Variants in SMPD3 observed in about 807,000 individuals in gnomAD.
SMPD3 encodes sphingomyelin phosphodiesterase 3.
Under a neutral mutation model 55.7 loss-of-function variants are expected in SMPD3, and 21 were observed. That is an observed-to-expected ratio of 0.38 (90% CI 0.27 to 0.54). The LOEUF (loss-of-function observed/expected upper bound fraction) is 0.54, where lower values mean the gene tolerates loss of function less well. Among genes scored for constraint, SMPD3 ranks in the 20% least tolerant of loss-of-function variants. SMPD3 has a pLI of 0.80. For synonymous variants in SMPD3, 457 were observed against 404.3 expected (o/e 1.13, Z -1.56); for missense variants, 842 against 899.6 (o/e 0.94, Z 0.82).
chr16:68,394,759 G>A (rs1376526075), intron 1 of SMPD3, among the ~76,000 whole-genome samples: 1 of 152,160 alleles, frequency 6.6e-6, no homozygotes, highest in African/African-American at 2.4e-5. Context: ...TACAATATGA[G>A]ACTTTTTTTG....
chr16:68,405,545 C>CA (rs67518521), intron 1 of SMPD3, among the ~76,000 whole-genome samples: 3,307 of 72,782 alleles, frequency 0.045, 140 homozygotes, highest in African/African-American at 0.11. Flanking sequence ...GACCCTGTCT[C>CA]AAAAAAAAAA....
chr16:68,430,674 A>G (rs1203937977), intron 1 of SMPD3, among the ~76,000 whole-genome samples: 1 of 152,184 alleles, frequency 6.6e-6, no homozygotes, highest in African/African-American at 2.4e-5. Flanking sequence ...ATAAAAGCCA[A>G]AAAACATGGA....
At chr16:68,377,785 C>T (rs1309284375) in intron 2 of SMPD3, among the ~76,000 whole-genome samples, 3 of 152,258 alleles carry the variant, frequency 2.0e-5, no homozygotes, top group Admixed American at 2.0e-4. Flanking sequence ...CACACTGGCT[C>T]TGCTTGCACA....
chr16:68,362,372 C>G (rs955121084), intron 7 of SMPD3, among the ~76,000 whole-genome samples: 1 of 152,352 alleles, frequency 6.6e-6, no homozygotes, highest in Middle Eastern at 3.4e-3. Context: ...AGGGGATCCA[C>G]AGGGAGGGCA....
At chr16:68,384,063 C>T (rs1357368381) in intron 2 of SMPD3, among the ~76,000 whole-genome samples, 1 of 152,234 alleles carries the variant, frequency 6.6e-6, no homozygotes, top group Non-Finnish European at 1.5e-5. Context: ...TTCAGTAGTG[C>T]CTGCGGACTC....
At chr16:68,364,237 T>A (rs1229073166) in intron 5 of SMPD3, among the ~76,000 whole-genome samples, 1 of 152,194 alleles carries the variant, frequency 6.6e-6, no homozygotes, top group Non-Finnish European at 1.5e-5. Flanking sequence ...GCTTGTAGTC[T>A]TTCACCCTAA....
At chr16:68,375,118 C>G (rs1259169977) in intron 2 of SMPD3, among the ~76,000 whole-genome samples, 1 of 152,204 alleles carries the variant, frequency 6.6e-6, no homozygotes, top group Non-Finnish European at 1.5e-5. Context: ...CTCACCCCGG[C>G]ACTGCCCTGT....
At chr16:68,392,051 C>T (rs902393692) in intron 1 of SMPD3, among the ~76,000 whole-genome samples, 4 of 151,962 alleles carry the variant, frequency 2.6e-5, no homozygotes, top group African/African-American at 9.7e-5. Context: ...ACCATCATGT[C>T]CAGCTAATTG....
At chr16:68,388,257 G>A (rs1330659901) in intron 1 of SMPD3, among the ~76,000 whole-genome samples, 4 of 152,188 alleles carry the variant, frequency 2.6e-5, no homozygotes, top group Admixed American at 1.3e-4. Flanking sequence ...TACCTGGCAG[G>A]ATCCCTCCCC....
At chr16:68,397,773 CG>C (rs2090171732) in intron 1 of SMPD3, among the ~76,000 whole-genome samples, 1 of 152,078 alleles carries the variant, frequency 6.6e-6, no homozygotes, top group Non-Finnish European at 1.5e-5. Context: ...TTTGCGGGGG[CG>C]GGGGGTGGTC....
chr16:68,383,353 G>C (rs1258603568), intron 2 of SMPD3, among the ~76,000 whole-genome samples: 1 of 152,192 alleles, frequency 6.6e-6, no homozygotes, highest in East Asian at 1.9e-4. Flanking sequence ...AAGAGAAAAG[G>C]AAGACAGAGT....
rs986040992 is a variant in SMPD3, at chr16:68,398,023, G to A, written c.-268-11364C>T. On this transcript the variant is annotated intron_variant, in intron 1 of 8. Transcript: ENST00000219334. ...AGGGAGATGCAGAATCTGGTTCTGG[G>A]ATGTTGGGGCTTCGTCAGGGAGGGA... is the stretch of plus-strand genomic sequence containing the variant. Among the ~76,000 whole-genome samples the A allele has an allele frequency of 1.1e-4, 15 of 140,830 alleles. 1 individual carries two copies. The highest frequency in any genetic ancestry group is 3.8e-4 in the African/African-American group (15 of 39,168). The allele number at this position is 140,830 out of a possible 152,430, so 92.4% of individuals were successfully genotyped here.
At position 68,401,574 on chromosome 16, in the gene SMPD3, C is replaced by T. The variant is rs1191870340; in HGVS notation, c.-268-14915G>A. Among the ~76,000 whole-genome samples the T allele has an allele frequency of 5.1e-4, 77 of 152,072 alleles. 1 individual carries two copies. Among genetic ancestry groups the T allele is most frequent in the Non-Finnish European group, 2.9e-5 (2 of 67,980 alleles). On this transcript the variant is annotated intron_variant, in intron 1 of 8. Coordinates refer to ENST00000219334, the MANE Select transcript of SMPD3 (RefSeq NM_018667.4). ...AGGGTGGAGGTGGGACAGGGCATGT[C>T]CAAGAATCTCCCTGAATCCTGGCCT...
chr16:68,377,981 T>G (rs1349616018), intron 2 of SMPD3, among the ~76,000 whole-genome samples: 1 of 152,206 alleles, frequency 6.6e-6, no homozygotes, highest in Non-Finnish European at 1.5e-5. Flanking sequence ...GTTTGGGAGT[T>G]GCCCCACTTT....
chr16:68,362,528 G>A (rs2089336495), intron 7 of SMPD3, among the ~76,000 whole-genome samples: 1 of 152,230 alleles, frequency 6.6e-6, no homozygotes, highest in Admixed American at 6.5e-5. Context: ...CCCCTCCTGG[G>A]AGCCCCCATT....
rs764102085 is a variant in SMPD3 at position 68,380,325 on chromosome 16, C to T, written c.-207+6273G>A. Reference sequence around the variant, plus strand: ...GCTGAGCCCAAGACAGAGAGGAGGCCAGGGGCAAAGTCTTGCTTCAGGATG... The same window carrying T: ...GCTGAGCCCAAGACAGAGAGGAGGCTAGGGGCAAAGTCTTGCTTCAGGATG... On this transcript the variant is annotated intron_variant, in intron 2 of 8. Transcript: ENST00000219334. 9.2e-5 allele frequency among the ~76,000 whole-genome samples: 14 copies of T among 152,260 alleles called. 1 individual carries two copies. The highest frequency in any genetic ancestry group is 1.9e-4 in the Non-Finnish European group (13 of 68,044).
chr16:68,407,479 G>A (rs906080756), intron 1 of SMPD3, among the ~76,000 whole-genome samples: 4 of 152,128 alleles, frequency 2.6e-5, no homozygotes, highest in South Asian at 2.1e-4. Flanking sequence ...TTTGACTTTT[G>A]AGTCTATTGT....
Position 68,359,933 on chromosome 16 carries a change from T to G in SMPD3, c.*1273A>C, listed in dbSNP as rs1251458441. On this transcript the variant is annotated 3_prime_UTR_variant, in exon 9 of 9. Transcript: ENST00000219334. ...GTTGGCCAGCTCTGCCATGCTGAAC[T>G]TGGGTGCCAGTACCACACCCTGCCC... 1 of 152,476 alleles carries G rather than the reference T, an allele frequency of 6.6e-6. No individual in the cohort carries two copies. The highest frequency in any genetic ancestry group is 1.5e-5 in the Non-Finnish European group (1 of 68,170). The allele number at this position is 152,476 out of a possible 1,614,324, so 9.4% of individuals were successfully genotyped here.
At chr16:68,410,737 C>T (rs1172664209) in intron 1 of SMPD3, among the ~76,000 whole-genome samples, 1 of 152,180 alleles carries the variant, frequency 6.6e-6, no homozygotes, top group African/African-American at 2.4e-5. Flanking sequence ...GTTTTTAATT[C>T]AAAAGTTTCC....
Sources: gnomAD v4.1 joint callset for allele counts (sites outside exome capture counted in the v4.1 genomes callset) on GRCh38, gnomAD v4.1.1 for gene constraint, MANE v1.5 for transcripts, NCBI Gene and HGNC (gene_info 2026-07-23, HGNC 2026-07-21) for gene names.